LZTFL1: variants seen among roughly 807,000 people sequenced by gnomAD.
LZTFL1 encodes the protein leucine zipper transcription factor like 1.
A neutral mutation model predicts 45.9 loss-of-function variants in LZTFL1; 25 were observed. The observed-to-expected ratio is 0.54, with a 90% CI of 0.40 to 0.76. The LOEUF is 0.76. Ranked by LOEUF, LZTFL1 falls within the 30% of genes least tolerant of loss-of-function variation. The pLI is 0.00. For missense variants in LZTFL1, 277 were observed against 331.1 expected (o/e 0.84, Z 1.27); for synonymous variants, 93 against 117.4 (o/e 0.79, Z 1.35).
At chr3:45,858,794 A>G (rs963158625) in intron 3 of LZTFL1, 1 of 152,262 alleles carries the variant, frequency 6.6e-6, no homozygotes, top group Non-Finnish European at 1.5e-5. Context: ...CTATAATGTC[A>G]TATTAAAAAT....
intron 1 of LZTFL1, chr3:45,913,289 A>C: frequency 3.9e-6 from 3 of 768,470 alleles, no homozygotes; most frequent in East Asian, 2.8e-5. Context: ...ACCTGCCACA[A>C]CCTAAAGATC....
chr3:45,895,109 T>C, intron 2 of LZTFL1: 1 of 801,582 alleles, frequency 1.2e-6, no homozygotes, highest in South Asian at 1.5e-5. Flanking sequence ...GGGTAGGTTG[T>C]TGTCCAGCAC....
intron 2 of LZTFL1, among the ~76,000 whole-genome samples, chr3:45,884,516 CG>C (rs1390304948): frequency 6.6e-6 from 1 of 152,172 alleles, no homozygotes. Flanking sequence ...ACCTGGACCA[CG>C]GGGACCCGTG....
chr3:45,867,583 C>T (rs1322883675), intron 2 of LZTFL1, among the ~76,000 whole-genome samples: 1 of 152,194 alleles, frequency 6.6e-6, no homozygotes, highest in Non-Finnish European at 1.5e-5. Context: ...GTGGCTCATG[C>T]CTGTAATCCC....
At chr3:45,878,566 T>C (rs1407436894) in intron 2 of LZTFL1, among the ~76,000 whole-genome samples, 1 of 151,272 alleles carries the variant, frequency 6.6e-6, no homozygotes, top group Non-Finnish European at 1.5e-5. Flanking sequence ...TGTAAAGTTC[T>C]GATTTTTAGG....
At chr3:45,851,102 C>T (rs549822382) in intron 4 of LZTFL1, among the ~76,000 whole-genome samples, 2 of 152,280 alleles carry the variant, frequency 1.3e-5, no homozygotes, top group African/African-American at 2.4e-5. Context: ...AGCTGTTCCA[C>T]GCCTTGTTGA....
intron 2 of LZTFL1, among the ~76,000 whole-genome samples, chr3:45,892,047 A>G (rs1702194600): frequency 6.6e-6 from 1 of 152,134 alleles, no homozygotes; most frequent in Non-Finnish European, 1.5e-5. Flanking sequence ...CATGTCTCCA[A>G]GGAGCCCTGG....
chr3:45,915,337 G>A (rs908683868), intron 1 of LZTFL1: 17 of 337,582 alleles, frequency 5.0e-5, no homozygotes, highest in South Asian at 2.2e-4. Flanking sequence ...TTTTATCCCC[G>A]CACCGCCCAC....
intron 2 of LZTFL1, among the ~76,000 whole-genome samples, chr3:45,836,851 G>A (rs1356236088): frequency 6.6e-6 from 1 of 152,150 alleles, no homozygotes; most frequent in Non-Finnish European, 1.5e-5. Flanking sequence ...CTGGGCAAAG[G>A]ATTCATGCCC....
intron 4 of LZTFL1, among the ~76,000 whole-genome samples, chr3:45,849,202 T>G (rs1172251395): frequency 1.3e-5 from 2 of 152,082 alleles, no homozygotes; most frequent in Non-Finnish European, 2.9e-5. Flanking sequence ...GGCACTTAGC[T>G]CAATTTAGGG....
At position 45,835,672 on chromosome 3, in the gene LZTFL1, C is replaced by T. The variant is rs1700946843; in HGVS notation, c.241G>A (p.Val81Met). The change falls in exon 3 of 10, where the codon GTG becomes ATG. Residue 81 changes from valine (V) to methionine (M), a missense_variant. By Grantham distance (21) the Val-to-Met change is conservative. Transcript: ENST00000296135. ...GCAAACAGCTGTCGCAGAAGTAACA[C>T]ATTGGTATAGGCAGTGTTGATGAGC... is the stretch of plus-strand genomic sequence containing the variant. The part of the protein sequence containing the change: ...SELINTAYTN[V>M]LLLRQLFAQA... 1 of 1,614,162 alleles carries T rather than the reference C, an allele frequency of 6.2e-7. No homozygotes were observed. The highest frequency in any genetic ancestry group is 8.5e-7 in the Non-Finnish European group (1 of 1,179,976).
chr3:45,824,745 T>A lies in LZTFL1; in HGVS notation c.*1569A>T. 2.5e-6 allele frequency: 1 copy of A among 398,016 alleles called. No homozygotes were observed. The allele number at this position is 398,016 out of a possible 1,614,324, so 24.7% of individuals were successfully genotyped here. A position where few individuals can be genotyped will look rare whatever the true frequency, so the allele number is the denominator to read the frequency against. Reference sequence around the variant, plus strand: ...TTCTGCTTCTGAATTACATAGAACATCTTGGTCCACAGACAATGGAATGGA... The same window carrying A: ...TTCTGCTTCTGAATTACATAGAACAACTTGGTCCACAGACAATGGAATGGA... On this transcript the variant is annotated 3_prime_UTR_variant, in exon 10 of 10. Transcript: ENST00000296135.
chr3:45,848,684 T>C lies in LZTFL1; in HGVS notation c.-49+6302A>G, dbSNP rs999431675. 2.0e-5 allele frequency among the ~76,000 whole-genome samples: 3 copies of C among 152,358 alleles called. No individual in the cohort carries two copies. The South Asian group carries it at 6.2e-4, about 32-fold the overall frequency. On this transcript the variant is annotated intron_variant, in intron 4 of 4. Transcript: ENST00000472635. Reference sequence around the variant, plus strand: ...ATTGTATGCAGTTATGATTTAATACTGCATCTTTATGTTTGTTTACATTTC... The same window carrying C: ...ATTGTATGCAGTTATGATTTAATACCGCATCTTTATGTTTGTTTACATTTC...
intron 3 of LZTFL1, 87 bp from the exon 4 acceptor site, chr3:45,834,385 C>T: frequency 8.7e-6 from 7 of 802,998 alleles, no homozygotes; most frequent in Non-Finnish European, 1.2e-5. Flanking sequence ...GGTACCAACC[C>T]ATTACATGCC....
chr3:45,913,508 A>T (rs906824053), intron 1 of LZTFL1, among the ~76,000 whole-genome samples: 2 of 152,218 alleles, frequency 1.3e-5, no homozygotes, highest in African/African-American at 4.8e-5. Context: ...AATCTATCAG[A>T]TCTAATGACA....
At chr3:45,910,506 G>A (rs369442733) in intron 2 of LZTFL1, among the ~76,000 whole-genome samples, 90 of 152,292 alleles carry the variant, frequency 5.9e-4, no homozygotes, top group African/African-American at 1.9e-3. Flanking sequence ...TCAAGAGAGA[G>A]TGGAGGCTGG....
intron 2 of LZTFL1, among the ~76,000 whole-genome samples, chr3:45,907,651 G>A (rs924282814): frequency 2.6e-5 from 4 of 152,204 alleles, no homozygotes; most frequent in African/African-American, 4.8e-5. Context: ...GCAAGATGAC[G>A]TGGCAAAGTC....
chr3:45,887,815 T>C (rs1365584966), intron 2 of LZTFL1, among the ~76,000 whole-genome samples: 2 of 152,198 alleles, frequency 1.3e-5, no homozygotes, highest in Non-Finnish European at 2.9e-5. Flanking sequence ...GATCCAGGCA[T>C]GGTGAGTGGA....
chr3:45,845,490 A>G (rs553232579), upstream of LZTFL1, among the ~76,000 whole-genome samples: 2 of 152,284 alleles, frequency 1.3e-5, no homozygotes, highest in East Asian at 3.9e-4. Flanking sequence ...GATGATTGTG[A>G]AATTGAGAGT....
Sources: allele counts gnomAD v4.1 joint callset (sites outside exome capture counted in the v4.1 genomes callset), GRCh38; gene constraint gnomAD v4.1.1; transcripts MANE v1.5; gene names NCBI Gene and HGNC (gene_info 2026-07-23, HGNC 2026-07-21).